ARHGAP24: variants seen among roughly 807,000 people sequenced by gnomAD.
ARHGAP24 encodes the protein rho GTPase-activating protein 24.
A neutral mutation model predicts 76.4 loss-of-function variants in ARHGAP24; 50 were observed. That is an observed-to-expected ratio of 0.65 (90% CI 0.52 to 0.83). The LOEUF is 0.83. ARHGAP24 is among the 40% of genes least tolerant of loss of function. The pLI is 0.00. For missense variants in ARHGAP24, 930 were observed against 914.2 expected, an observed-to-expected ratio of 1.02 and a Z score of -0.22; for synonymous variants, 345 against 323.3, an observed-to-expected ratio of 1.07 and a Z score of -0.72.
intron 1 of ARHGAP24, among the ~76,000 whole-genome samples, chr4:85,552,431 A>G (rs1726175794): frequency 6.6e-6 from 1 of 152,074 alleles, no homozygotes; most frequent in African/African-American, 2.4e-5. Context: ...TGATTGTTTT[A>G]TGTCCAATTG....
chr4:85,841,225 C>T (rs1730580669), intron 3 of ARHGAP24, among the ~76,000 whole-genome samples: 1 of 152,288 alleles, frequency 6.6e-6, no homozygotes, highest in African/African-American at 2.4e-5. Context: ...AGTGAGAAAG[C>T]GTACATTCAT....
intron 2 of ARHGAP24, among the ~76,000 whole-genome samples, chr4:85,682,433 T>C (rs1723239846): frequency 6.6e-6 from 1 of 152,202 alleles, no homozygotes; most frequent in Non-Finnish European, 1.5e-5. Context: ...CAGGCTTCCA[T>C]GTGGCCCTAT....
intron 5 of ARHGAP24, among the ~76,000 whole-genome samples, chr4:85,965,455 C>T (rs1175146263): frequency 2.0e-5 from 3 of 152,140 alleles, no homozygotes; most frequent in East Asian, 1.9e-4. Flanking sequence ...TCCCCACCAA[C>T]GTTCTTTCCA....
chr4:85,986,565 G>C (rs1740012310), intron 8 of ARHGAP24, among the ~76,000 whole-genome samples: 2 of 152,130 alleles, frequency 1.3e-5, no homozygotes, highest in Non-Finnish European at 2.9e-5. Flanking sequence ...TCCAGGTATT[G>C]CTGAGCTGAA....
intron 3 of ARHGAP24, among the ~76,000 whole-genome samples, chr4:85,747,289 GA>G (rs1047672880): frequency 1.3e-5 from 2 of 151,984 alleles, no homozygotes; most frequent in Admixed American, 6.6e-5. Context: ...TATAGCTTTT[GA>G]AAAAAATCCT....
chr4:85,911,873 T>G (rs1735106564), intron 3 of ARHGAP24, among the ~76,000 whole-genome samples: 1 of 152,212 alleles, frequency 6.6e-6, no homozygotes, highest in African/African-American at 2.4e-5. Context: ...GCATTTGTAT[T>G]AAGAAGCAGA....
At chr4:85,608,681 CTGAGTAGCAGGGATTATAGG>C (rs1335490017) in intron 2 of ARHGAP24, among the ~76,000 whole-genome samples, 1 of 150,388 alleles carries the variant, frequency 6.6e-6, no homozygotes. Context: ...CCTCAGCCTC[CTGAGTAGCAGGGATTATAGG>C]TGCGTGCCAC....
At chr4:85,937,061 T>G (rs1736680645) in intron 4 of ARHGAP24, among the ~76,000 whole-genome samples, 1 of 152,140 alleles carries the variant, frequency 6.6e-6, no homozygotes, top group Admixed American at 6.5e-5. Flanking sequence ...TGGGCACCAT[T>G]GGAAGAGGTA....
At chr4:85,583,732 A>T (rs1022658608) in intron 2 of ARHGAP24, among the ~76,000 whole-genome samples, 1 of 150,502 alleles carries the variant, frequency 6.6e-6, no homozygotes, top group Non-Finnish European at 1.5e-5. Flanking sequence ...CAATGAACTC[A>T]AACAAATTTA....
chr4:85,629,176 T>G (rs1371604754), intron 2 of ARHGAP24, among the ~76,000 whole-genome samples: 2 of 152,310 alleles, frequency 1.3e-5, no homozygotes, highest in Non-Finnish European at 2.9e-5. Context: ...GAACCTCTTA[T>G]AGTTATAACA....
intron 5 of ARHGAP24, among the ~76,000 whole-genome samples, chr4:85,970,919 A>G (rs1298280641): frequency 6.6e-6 from 1 of 152,210 alleles, no homozygotes; most frequent in Non-Finnish European, 1.5e-5. Context: ...ACTATCATCC[A>G]TCTTCATGGA....
intron 1 of ARHGAP24, among the ~76,000 whole-genome samples, chr4:85,513,916 A>G (rs1358545594): frequency 2.6e-5 from 4 of 152,012 alleles, no homozygotes; most frequent in Non-Finnish European, 5.9e-5. Flanking sequence ...CACTTGCTCT[A>G]CTTGACGACT....
chr4:85,843,006 T>C (rs1730691594), intron 3 of ARHGAP24, among the ~76,000 whole-genome samples: 2 of 152,212 alleles, frequency 1.3e-5, no homozygotes, highest in African/African-American at 4.8e-5. Flanking sequence ...TACTATTTAC[T>C]CCTATTGATA....
At chr4:85,614,964 G>A (rs1720500988) in intron 2 of ARHGAP24, among the ~76,000 whole-genome samples, 1 of 151,926 alleles carries the variant, frequency 6.6e-6, no homozygotes, top group African/African-American at 2.4e-5. Flanking sequence ...TTGGTTTCAT[G>A]TGCCTATATC....
At chr4:85,800,603 G>A (rs189061165) in intron 3 of ARHGAP24, among the ~76,000 whole-genome samples, 1 of 152,054 alleles carries the variant, frequency 6.6e-6, no homozygotes, top group Admixed American at 6.6e-5. Flanking sequence ...AGAAAAAAGA[G>A]GAGGAGGAAA....
chr4:85,831,330 A>T (rs1183674704), intron 3 of ARHGAP24, among the ~76,000 whole-genome samples: 1 of 152,248 alleles, frequency 6.6e-6, no homozygotes. Context: ...AGGAACCATC[A>T]ATAAAAATTA....
At chr4:85,630,012 G>T (rs927872987) in intron 2 of ARHGAP24, among the ~76,000 whole-genome samples, 31 of 151,968 alleles carry the variant, frequency 2.0e-4, no homozygotes, top group African/African-American at 6.7e-4. Flanking sequence ...AGTCTCATAG[G>T]CTTTCTTCTC....
chr4:85,898,572 C>T (rs1208455004), intron 3 of ARHGAP24, among the ~76,000 whole-genome samples: 1 of 152,136 alleles, frequency 6.6e-6, no homozygotes, highest in Admixed American at 6.5e-5. Flanking sequence ...GGATGTCAGG[C>T]TGTGAGCATG....
intron 3 of ARHGAP24, among the ~76,000 whole-genome samples, chr4:85,735,310 C>T (rs1474252004): frequency 1.3e-5 from 2 of 152,148 alleles, no homozygotes; most frequent in African/African-American, 4.8e-5. Flanking sequence ...TCATCCAGCA[C>T]CTCACGTGTT....
Sources: gnomAD v4.1 joint callset for allele counts (sites outside exome capture counted in the v4.1 genomes callset) on GRCh38, gnomAD v4.1.1 for gene constraint, MANE v1.5 for transcripts, NCBI Gene and HGNC (gene_info 2026-07-23, HGNC 2026-07-21) for gene names.